The following NRG3 variants were observed in gnomAD, a reference collection of about 807,000 sequenced individuals.
The protein encoded by NRG3 is neuregulin 3.
NRG3 carries 31 observed loss-of-function variants against 66.9 expected under a neutral mutation model. That is an observed-to-expected ratio of 0.46 (90% confidence interval 0.35 to 0.63). The LOEUF is 0.63. NRG3 is among the 20% of genes least tolerant of loss of function. NRG3 has a pLI of 0.00. For missense variants in NRG3, 910 were observed against 878.9 expected (o/e 1.04, Z -0.45); for synonymous variants, 393 against 359.4 (o/e 1.09, Z -1.06).
chr10:82,460,831 A>C (rs1286049245), intron 2 of NRG3, among the ~76,000 whole-genome samples: 1 of 152,120 alleles, frequency 6.6e-6, no homozygotes, highest in African/African-American at 2.4e-5. Context: ...AGAGCCCTCT[A>C]TCCTCCCACA....
chr10:82,333,456 T>C (rs906338008), intron 1 of NRG3, among the ~76,000 whole-genome samples: 1 of 152,208 alleles, frequency 6.6e-6, no homozygotes, highest in African/African-American at 2.4e-5. Flanking sequence ...ATTAAAGAGT[T>C]ACTGCTACAT....
intron 1 of NRG3, among the ~76,000 whole-genome samples, chr10:82,151,067 C>G (rs2070709054): frequency 6.6e-6 from 1 of 152,090 alleles, no homozygotes; most frequent in Non-Finnish European, 1.5e-5. Context: ...TGCTAAGGGT[C>G]CAAAGCAGGA....
chr10:82,678,742 A>T (rs571219753), intron 2 of NRG3, among the ~76,000 whole-genome samples: 29 of 151,780 alleles, frequency 1.9e-4, no homozygotes, highest in Non-Finnish European at 3.8e-4. Flanking sequence ...GCAACAGCGG[A>T]CATTACCAGA....
chr10:82,473,353 C>T (rs927540365), intron 2 of NRG3, among the ~76,000 whole-genome samples: 1 of 152,064 alleles, frequency 6.6e-6, no homozygotes, highest in Non-Finnish European at 1.5e-5. Flanking sequence ...ATGCAGCCAG[C>T]GTCATGGAGA....
At chr10:82,336,392 G>C (rs2082387083) in intron 1 of NRG3, among the ~76,000 whole-genome samples, 1 of 152,178 alleles carries the variant, frequency 6.6e-6, no homozygotes, top group African/African-American at 2.4e-5. Context: ...TCCACCATCA[G>C]AGAGGCAAAG....
At chr10:81,941,821 G>A (rs1184239997) in intron 1 of NRG3, among the ~76,000 whole-genome samples, 5 of 151,934 alleles carry the variant, frequency 3.3e-5, no homozygotes, top group African/African-American at 4.8e-5. Flanking sequence ...TCAAACTTTG[G>A]GATATCCATC....
At chr10:82,834,438 C>T (rs1338421257) in intron 3 of NRG3, among the ~76,000 whole-genome samples, 1 of 152,048 alleles carries the variant, frequency 6.6e-6, no homozygotes, top group African/African-American at 2.4e-5. Flanking sequence ...CTTCCTGCCC[C>T]ATATTAACAA....
At chr10:82,541,506 G>C (rs992222089) in intron 2 of NRG3, among the ~76,000 whole-genome samples, 2 of 152,168 alleles carry the variant, frequency 1.3e-5, no homozygotes, top group South Asian at 4.2e-4. Flanking sequence ...GAGCAAGCAG[G>C]GGGTACGTGA....
At chr10:82,198,980 G>A (rs2074608809) in intron 1 of NRG3, among the ~76,000 whole-genome samples, 1 of 144,604 alleles carries the variant, frequency 6.9e-6, no homozygotes. Context: ...CTGGGCAACA[G>A]AACACGACTC....
intron 1 of NRG3, among the ~76,000 whole-genome samples, chr10:81,965,597 TTA>T (rs1230287328): frequency 1.3e-5 from 2 of 152,160 alleles, no homozygotes; most frequent in African/African-American, 4.8e-5. Flanking sequence ...ATCTATGATT[TTA>T]TGTCATTTCC....
At chr10:82,803,826 AAC>A (rs2135453692) in intron 3 of NRG3, among the ~76,000 whole-genome samples, 1 of 152,328 alleles carries the variant, frequency 6.6e-6, no homozygotes, top group African/African-American at 2.4e-5. Flanking sequence ...CAATAATTTG[AAC>A]ACACGAAGTA....
intron 2 of NRG3, among the ~76,000 whole-genome samples, chr10:82,633,504 G>A (rs771768258): frequency 1.7e-4 from 26 of 152,204 alleles, no homozygotes; most frequent in Non-Finnish European, 3.1e-4. Flanking sequence ...CAAGTGTAAC[G>A]CCATTAATCA....
chr10:82,551,108 A>G (rs912868124), intron 2 of NRG3, among the ~76,000 whole-genome samples: 23 of 152,164 alleles, frequency 1.5e-4, no homozygotes, highest in African/African-American at 4.8e-4. Context: ...GTATACCATT[A>G]TGGGTTGCTT....
At chr10:82,117,632 C>A (rs1007011268) in intron 1 of NRG3, among the ~76,000 whole-genome samples, 1 of 152,008 alleles carries the variant, frequency 6.6e-6, no homozygotes, top group African/African-American at 2.4e-5. Context: ...CCATCAGAGA[C>A]CCCACCCTTT....
chr10:82,865,502 C>A, intron 4 of NRG3, 65 bp downstream of exon 4: 2 of 1,455,248 alleles, frequency 1.4e-6, no homozygotes, highest in East Asian at 4.7e-5. Context: ...GTACATAGTG[C>A]TTTCCTTCTC....
chr10:82,138,360 T>C (rs1167754902), intron 1 of NRG3, among the ~76,000 whole-genome samples: 11 of 152,190 alleles, frequency 7.2e-5, no homozygotes, highest in Admixed American at 5.9e-4. Flanking sequence ...AAATACCTAA[T>C]TTCCAAGTTG....
At chr10:82,191,758 G>A (rs2074155826) in intron 1 of NRG3, among the ~76,000 whole-genome samples, 1 of 152,130 alleles carries the variant, frequency 6.6e-6, no homozygotes, top group East Asian at 1.9e-4. Context: ...TAGCATGCAT[G>A]CTTTCTTACC....
At chr10:82,275,824 T>A (rs1405225992) in intron 1 of NRG3, among the ~76,000 whole-genome samples, 1 of 152,072 alleles carries the variant, frequency 6.6e-6, no homozygotes, top group African/African-American at 2.4e-5. Flanking sequence ...ATGTGCAGAA[T>A]GTAACTGTGC....
At chr10:82,039,135 G>A (rs2062920076) in intron 1 of NRG3, among the ~76,000 whole-genome samples, 1 of 152,092 alleles carries the variant, frequency 6.6e-6, no homozygotes, top group Non-Finnish European at 1.5e-5. Flanking sequence ...TTAAACTCCT[G>A]GAAAAGTTCT....
Sources: allele counts gnomAD v4.1 joint callset (sites outside exome capture counted in the v4.1 genomes callset), GRCh38; gene constraint gnomAD v4.1.1; transcripts MANE v1.5; gene names NCBI Gene and HGNC (gene_info 2026-07-23, HGNC 2026-07-21).